LRRC40: variants seen among roughly 807,000 people sequenced by gnomAD.
The protein encoded by LRRC40 is leucine-rich repeat-containing protein 40.
In LRRC40, 76 loss-of-function variants were observed where a neutral mutation model predicts 72.8. That is an observed-to-expected ratio of 1.04 (90% CI 0.87 to 1.26). The LOEUF (loss-of-function observed/expected upper bound fraction) is 1.26, where lower values mean the gene tolerates loss of function less well. Among genes scored for constraint, LRRC40 ranks in the 50% most tolerant of loss-of-function variants. LRRC40 has a pLI of 0.00. For synonymous variants in LRRC40, 243 were observed against 254.2 expected (o/e 0.96, Z 0.42); for missense variants, 684 against 698.9 (o/e 0.98, Z 0.24).
In LRRC40 at chr1:70,173,636, T is replaced by C. The variant is rs1271404239; in HGVS notation, c.1051A>G (p.Arg351Gly). ...LEGNPLRTIR[R>G]EIISKGTQEV... ...AATATACTTACACTTATAATTTCTC[T>C]TCGAATTGTTCTCAAAGGATTTCCT... The change falls in exon 8 of 15, where the codon AGA (arginine) becomes GGA (glycine). Residue 351 changes from arginine (R) to glycine (G), a missense_variant. Transcript: ENST00000370952. 1.9e-6 allele frequency: 3 copies of C among 1,569,522 alleles called. No homozygotes were observed. The highest frequency in any genetic ancestry group is 2.7e-5 in the African/African-American group (2 of 73,622).
chr1:70,165,444 G>A (rs1234144762), intron 9 of LRRC40, among the ~76,000 whole-genome samples: 3 of 152,202 alleles, frequency 2.0e-5, no homozygotes, highest in Middle Eastern at 3.2e-3. Flanking sequence ...TCACAGACAA[G>A]TGCCTTTTAA....
chr1:70,147,505 C>T (rs1013868808), intron 14 of LRRC40, among the ~76,000 whole-genome samples: 1 of 152,106 alleles, frequency 6.6e-6, no homozygotes, highest in African/African-American at 2.4e-5. Flanking sequence ...ACTACAGAAA[C>T]ACACATATAA....
chr1:70,201,934 G>A (rs565626722), intron 1 of LRRC40, among the ~76,000 whole-genome samples: 2 of 152,186 alleles, frequency 1.3e-5, no homozygotes, highest in South Asian at 2.1e-4. Flanking sequence ...CTGAGATCAC[G>A]CCATTGCACT....
At chr1:70,173,436 TCAAA>T in intron 9 of LRRC40, 25 bp downstream of exon 9, 1 of 1,512,990 alleles carries the variant, frequency 6.6e-7, no homozygotes, top group South Asian at 1.1e-5. Context: ...TATGAATCCT[TCAAA>T]ATATAAGAGA....
intron 9 of LRRC40, among the ~76,000 whole-genome samples, chr1:70,165,612 C>T (rs1056326577): frequency 6.6e-6 from 1 of 152,072 alleles, no homozygotes; most frequent in Non-Finnish European, 1.5e-5. Context: ...TTTCACCAAT[C>T]CCTTTTCTAC....
chr1:70,198,215 A>C (rs190539906), intron 1 of LRRC40, among the ~76,000 whole-genome samples: 1 of 152,322 alleles, frequency 6.6e-6, no homozygotes, highest in East Asian at 1.9e-4. Flanking sequence ...TGCTCTCTTC[A>C]AGATAAGGCA....
intron 1 of LRRC40, among the ~76,000 whole-genome samples, chr1:70,195,974 A>G (rs1291415075): frequency 6.6e-6 from 1 of 152,152 alleles, no homozygotes; most frequent in East Asian, 1.9e-4. Context: ...TTCCATTGTC[A>G]GGTATGGATT....
intron 10 of LRRC40, among the ~76,000 whole-genome samples, chr1:70,157,169 A>AT (rs1667656184): frequency 6.6e-6 from 1 of 152,200 alleles, no homozygotes; most frequent in African/African-American, 2.4e-5. Context: ...TAATACAAAT[A>AT]TGTAAAGACA....
chr1:70,200,473 A>G (rs1003772906), intron 1 of LRRC40, among the ~76,000 whole-genome samples: 8 of 152,174 alleles, frequency 5.3e-5, no homozygotes, highest in Non-Finnish European at 1.0e-4. Context: ...AAAAAAAAAG[A>G]AGGAACAGAA....
chr1:70,197,277 T>C (rs2100347645), intron 1 of LRRC40, among the ~76,000 whole-genome samples: 1 of 152,122 alleles, frequency 6.6e-6, no homozygotes, highest in South Asian at 2.1e-4. Context: ...TGTATAGATG[T>C]ATTTTTTTAT....
At chr1:70,197,593 C>CT (rs78897360) in intron 1 of LRRC40, among the ~76,000 whole-genome samples, 2,744 of 137,038 alleles carry the variant, frequency 0.02, 45 homozygotes, top group East Asian at 0.095. Flanking sequence ...CAACCCCCGG[C>CT]TTTTTTTTTT....
chr1:70,199,069 T>A (rs1313072246), intron 1 of LRRC40, among the ~76,000 whole-genome samples: 1 of 152,044 alleles, frequency 6.6e-6, no homozygotes, highest in African/African-American at 2.4e-5. Context: ...GAAAATCACT[T>A]TTGAGATAAG....
At chr1:70,159,027 A>T (rs1464273962) in intron 10 of LRRC40, among the ~76,000 whole-genome samples, 1 of 152,064 alleles carries the variant, frequency 6.6e-6, no homozygotes, top group Non-Finnish European at 1.5e-5. Flanking sequence ...TATACTTTTA[A>T]TATCCTTCTA....
At chr1:70,165,673 G>GA (rs976720545) in intron 9 of LRRC40, among the ~76,000 whole-genome samples, 122 of 145,484 alleles carry the variant, frequency 8.4e-4, no homozygotes, top group Non-Finnish European at 1.1e-3. Flanking sequence ...AAAGCTGAAG[G>GA]AAAAAAAAAA....
intron 9 of LRRC40, among the ~76,000 whole-genome samples, chr1:70,164,210 G>A (rs1667828447): frequency 6.6e-6 from 1 of 152,014 alleles, no homozygotes; most frequent in South Asian, 2.1e-4. Flanking sequence ...GACCAACATG[G>A]AGAAACCCTA....
intron 13 of LRRC40, among the ~76,000 whole-genome samples, chr1:70,149,084 G>C (rs1442740044): frequency 6.6e-6 from 1 of 152,108 alleles, no homozygotes; most frequent in Non-Finnish European, 1.5e-5. Context: ...CTTTGACTGA[G>C]GCTTCTAAAA....
intron 1 of LRRC40, among the ~76,000 whole-genome samples, chr1:70,194,635 T>C (rs1668569696): frequency 6.6e-6 from 1 of 151,654 alleles, no homozygotes; most frequent in South Asian, 2.1e-4. Flanking sequence ...AATTTTGAAA[T>C]AAAAGAACAA....
At chr1:70,193,132 G>C (rs1668537008) in intron 1 of LRRC40, among the ~76,000 whole-genome samples, 1 of 151,428 alleles carries the variant, frequency 6.6e-6, no homozygotes, top group South Asian at 2.1e-4. Flanking sequence ...TAAATCCAAA[G>C]AAAGCAGAAG....
intron 3 of LRRC40, among the ~76,000 whole-genome samples, chr1:70,185,568 G>A (rs1020886513): frequency 3.9e-5 from 6 of 152,094 alleles, no homozygotes; most frequent in Non-Finnish European, 7.4e-5. Flanking sequence ...CCAGTCTCGG[G>A]TATGTCTTTA....
Sources: gnomAD v4.1 joint callset for allele counts (sites outside exome capture counted in the v4.1 genomes callset) on GRCh38, gnomAD v4.1.1 for gene constraint, MANE v1.5 for transcripts, NCBI Gene and HGNC (gene_info 2026-07-23, HGNC 2026-07-21) for gene names.